Variants in ZBTB20 observed in about 807,000 individuals in gnomAD.
ZBTB20 encodes zinc finger and BTB domain-containing protein 20.
In ZBTB20, 9 loss-of-function variants were observed where a neutral mutation model predicts 56.9. That is an observed-to-expected ratio of 0.16 (90% CI 0.10 to 0.28). ZBTB20 has a LOEUF of 0.28. Ranked by LOEUF, ZBTB20 falls within the 10% of genes least tolerant of loss-of-function variation. ZBTB20 has a pLI of 1.00. For synonymous variants in ZBTB20, 417 were observed against 420.7 expected, an observed-to-expected ratio of 0.99 and a Z score of 0.11; for missense variants, 655 against 1,003.0, an observed-to-expected ratio of 0.65 and a Z score of 4.69.
intron 2 of ZBTB20, among the ~76,000 whole-genome samples, chr3:115,064,710 A>G (rs1455875700): frequency 6.6e-6 from 1 of 151,860 alleles, no homozygotes; most frequent in African/African-American, 2.4e-5. Flanking sequence ...CAGCCTCCCA[A>G]AGTGTTGGGA....
chr3:114,467,121 C>T (rs552237135), intron 7 of ZBTB20, among the ~76,000 whole-genome samples: 1 of 152,268 alleles, frequency 6.6e-6, no homozygotes, highest in South Asian at 2.1e-4. Context: ...ATTTGACTAG[C>T]TTCTAGACTA....
At chr3:115,000,143 T>C (rs1457097464) in intron 2 of ZBTB20, among the ~76,000 whole-genome samples, 2 of 151,654 alleles carry the variant, frequency 1.3e-5, no homozygotes, top group Admixed American at 1.3e-4. Context: ...TTGAAGGCAC[T>C]GTTATCAAAT....
At chr3:114,421,955 C>T (rs1274083884) in intron 7 of ZBTB20, among the ~76,000 whole-genome samples, 2 of 151,996 alleles carry the variant, frequency 1.3e-5, no homozygotes, top group Non-Finnish European at 2.9e-5. Context: ...AGTGCAATCT[C>T]CCATGGAATG....
intron 4 of ZBTB20, among the ~76,000 whole-genome samples, chr3:114,887,281 G>A (rs2076637325): frequency 6.6e-6 from 1 of 152,114 alleles, no homozygotes; most frequent in South Asian, 2.1e-4. Context: ...CCATAGCAGT[G>A]TGTAAATAAG....
Position 114,317,753 on chromosome 3 carries a change from T to C in ZBTB20, c.*21252A>G, listed in dbSNP as rs185328388. ...AAAAGGAAAAGATGAAGGCACGTGA[T>C]ATTATTCGGTCCCACAATCCTTAAG... On this transcript the variant is annotated 3_prime_UTR_variant, in exon 12 of 12. Transcript: ENST00000675478. The C allele has an allele frequency of 6.6e-6, 1 of 152,094 alleles. No homozygotes were observed. The highest frequency in any genetic ancestry group is 2.1e-4 in the South Asian group (1 of 4,828). 9.4% of individuals were successfully genotyped at this position (152,094 alleles called of 1,614,324 possible).
At chr3:114,364,351 T>G (rs1049946672) in intron 10 of ZBTB20, among the ~76,000 whole-genome samples, 7 of 152,166 alleles carry the variant, frequency 4.6e-5, no homozygotes, top group Non-Finnish European at 8.8e-5. Context: ...CTCAGGAGGC[T>G]AAGGCAGGAG....
At chr3:114,613,003 A>G (rs536465849) in intron 6 of ZBTB20, among the ~76,000 whole-genome samples, 22 of 152,360 alleles carry the variant, frequency 1.4e-4, no homozygotes, top group African/African-American at 5.3e-4. Flanking sequence ...TCAAGATTAG[A>G]GCCAAGGGCA....
intron 6 of ZBTB20, among the ~76,000 whole-genome samples, chr3:114,676,271 A>G (rs534504298): frequency 2.6e-4 from 40 of 152,318 alleles, no homozygotes; most frequent in African/African-American, 9.6e-4. Context: ...TAGGCTCTGG[A>G]GTCTAATATG....
chr3:114,560,645 A>T (rs1039848606), intron 6 of ZBTB20, among the ~76,000 whole-genome samples: 4 of 152,116 alleles, frequency 2.6e-5, no homozygotes, highest in Non-Finnish European at 2.9e-5. Flanking sequence ...AAAATACTTT[A>T]TTGCTGAAAA....
At chr3:114,673,386 G>C (rs1212761163) in intron 6 of ZBTB20, among the ~76,000 whole-genome samples, 1 of 152,024 alleles carries the variant, frequency 6.6e-6, no homozygotes, top group Admixed American at 6.6e-5. Flanking sequence ...AAAATGCCTT[G>C]AGCCCCTTGG....
intron 1 of ZBTB20, among the ~76,000 whole-genome samples, chr3:115,125,339 C>T (rs139742431): frequency 7.1e-6 from 1 of 141,128 alleles, no homozygotes; most frequent in Non-Finnish European, 1.5e-5. Context: ...CAAGACCCTG[C>T]CTCAAATAAA....
intron 7 of ZBTB20, among the ~76,000 whole-genome samples, chr3:114,465,220 C>T (rs995377014): frequency 2.6e-5 from 4 of 152,094 alleles, no homozygotes; most frequent in Non-Finnish European, 5.9e-5. Flanking sequence ...AGTGTTTGTT[C>T]TCTGTTAGGC....
intron 6 of ZBTB20, among the ~76,000 whole-genome samples, chr3:114,503,853 C>G (rs2044286324): frequency 6.6e-6 from 1 of 152,112 alleles, no homozygotes; most frequent in Non-Finnish European, 1.5e-5. Context: ...AAAGTCAATT[C>G]TAGTGTAGTT....
intron 1 of ZBTB20, among the ~76,000 whole-genome samples, chr3:115,106,859 T>C (rs925348001): frequency 1.4e-4 from 21 of 152,110 alleles, no homozygotes; most frequent in African/African-American, 5.1e-4. Flanking sequence ...TGGTCTAGCA[T>C]CTGGCAGTAC....
intron 6 of ZBTB20, among the ~76,000 whole-genome samples, chr3:114,565,573 C>T (rs191976921): frequency 9.2e-5 from 14 of 152,264 alleles, no homozygotes; most frequent in Middle Eastern, 3.4e-3. Context: ...AACAGGCATA[C>T]GTTTAGGGTG....
At chr3:114,997,245 G>C (rs1359202873) in intron 2 of ZBTB20, among the ~76,000 whole-genome samples, 1 of 151,800 alleles carries the variant, frequency 6.6e-6, no homozygotes, top group Non-Finnish European at 1.5e-5. Context: ...TGGAAGACAA[G>C]AGCATGGATC....
At chr3:114,721,431 G>A (rs1173496313) in intron 5 of ZBTB20, among the ~76,000 whole-genome samples, 1 of 152,126 alleles carries the variant, frequency 6.6e-6, no homozygotes, top group Non-Finnish European at 1.5e-5. Context: ...CAGCAGAAAT[G>A]TACAGGAAAT....
In ZBTB20 at chr3:114,325,125, T is replaced by C. The variant is rs1007459845; in HGVS notation, c.*13880A>G. ...AAAACCATAATTCTTTCAACAATAG[T>C]GTAGGAACAATTTTAATTAGATATA... On this transcript the variant is annotated 3_prime_UTR_variant, in exon 12 of 12. Coordinates refer to ENST00000675478, the MANE Select transcript of ZBTB20 (RefSeq NM_001348800.3). The C allele has an allele frequency of 2.0e-5, 3 of 152,188 alleles. No homozygotes were observed. Among genetic ancestry groups the C allele is most frequent in the Non-Finnish European group, 2.9e-5 (2 of 68,034 alleles). 9.4% of individuals were successfully genotyped at this position (152,188 alleles called of 1,614,324 possible).
At position 114,564,214 on chromosome 3, in the gene ZBTB20, A is replaced by C. The variant is rs971369295; in HGVS notation, c.-294-63823T>G. ...TCCTTTAAACGGCCCTTATAATCAT[A>C]TTAGGCCTAACCAGATAATCTGGCA... On this transcript the variant is annotated intron_variant, in intron 6 of 11. Coordinates refer to ENST00000675478, the MANE Select transcript of ZBTB20 (RefSeq NM_001348800.3). Among the ~76,000 whole-genome samples, 5 of 152,096 alleles carry C rather than the reference A, an allele frequency of 3.3e-5. No homozygotes were observed. In the East Asian group the frequency reaches 9.7e-4, roughly 29 times the overall value.
Sources: gnomAD v4.1 joint callset for allele counts (sites outside exome capture counted in the v4.1 genomes callset) on GRCh38, gnomAD v4.1.1 for gene constraint, MANE v1.5 for transcripts, NCBI Gene and HGNC (gene_info 2026-07-23, HGNC 2026-07-21) for gene names.